Variants in STX5 observed in about 807,000 individuals in gnomAD.
STX5 encodes the protein syntaxin-5.
STX5 carries 15 observed loss-of-function variants against 42.9 expected under a neutral mutation model. That is an observed-to-expected ratio of 0.35 (90% CI 0.23 to 0.54). The LOEUF is 0.54. Ranked by LOEUF, STX5 falls within the 20% of genes least tolerant of loss-of-function variation. The probability of loss-of-function intolerance (pLI) is 0.91; values close to 1 mark genes in which losing one functional copy is unlikely to be tolerated. For synonymous variants in STX5, 184 were observed against 173.2 expected (o/e 1.06, Z -0.49); for missense variants, 430 against 455.0 (o/e 0.95, Z 0.50).
At chr11:62,812,561 G>A (rs1168955199) in intron 10 of STX5, among the ~76,000 whole-genome samples, 1 of 151,920 alleles carries the variant, frequency 6.6e-6, no homozygotes, top group Non-Finnish European at 1.5e-5. Context: ...TGGGACTACA[G>A]GCGCCGGTCA....
chr11:62,829,350 G>A (rs2084830474), intron 2 of STX5, among the ~76,000 whole-genome samples: 1 of 152,006 alleles, frequency 6.6e-6, no homozygotes, highest in South Asian at 2.1e-4. Context: ...CTGGAACCCG[G>A]GAGGCGGAGG....
chr11:62,809,402 T>C (rs1317164582), intron 10 of STX5, among the ~76,000 whole-genome samples: 1 of 150,792 alleles, frequency 6.6e-6, no homozygotes, highest in Non-Finnish European at 1.5e-5. Flanking sequence ...GGGCAGGGCG[T>C]GGTGGCTCAC....
chr11:62,831,035 G>A lies in STX5; in HGVS notation c.209C>T (p.Ser70Leu), dbSNP rs894766427. 3 of 1,552,246 alleles carry A rather than the reference G, an allele frequency of 1.9e-6. No individual in the cohort carries two copies. The highest frequency in any genetic ancestry group is 2.4e-5 in the East Asian group (1 of 41,334). ...RTQEFLSACK[S>L]LQTRQNGIQT... ...GGTCCTTACCTGACGGGTCTGCAGC[G>A]ACTTGCAGGCAGACAGAAACTCCTG... Residue 70 changes from serine (S) to leucine (L), a missense_variant, in exon 2 of 11, where the codon TCG becomes TTG. Physicochemically the swap from Ser to Leu is moderately radical, Grantham distance 145. Transcript: ENST00000294179.
intron 2 of STX5, among the ~76,000 whole-genome samples, chr11:62,829,043 CAA>C (rs2084826507): frequency 6.6e-6 from 1 of 151,004 alleles, no homozygotes; most frequent in Non-Finnish European, 1.5e-5. Context: ...AGCCTGGCAA[CAA>C]AGAGAGACTG....
At chr11:62,822,111 C>T (rs1278776452) in intron 10 of STX5, among the ~76,000 whole-genome samples, 1 of 151,988 alleles carries the variant, frequency 6.6e-6, no homozygotes, top group Non-Finnish European at 1.5e-5. Context: ...ACCTGTAATC[C>T]CGGCACTTTG....
rs147992146 is a variant in STX5, at chr11:62,815,688, CA to C, written c.909-8061del. Reference sequence around the variant, plus strand: ...AGTAGCTGGGACCACAGGCATGCACCACTATGCCCAGCTGATTTTTGTATTT... The same window carrying C: ...AGTAGCTGGGACCACAGGCATGCACCCTATGCCCAGCTGATTTTTGTATTT... On this transcript the variant is annotated intron_variant, in intron 10 of 10. Coordinates refer to ENST00000294179, the MANE Select transcript of STX5 (RefSeq NM_003164.5). Among the ~76,000 whole-genome samples, 765 of 152,118 alleles carry C rather than the reference CA, an allele frequency of 5.0e-3. 37 individuals carry two copies. The East Asian group carries it at 0.12, about 23-fold the overall frequency.
chr11:62,824,959 G>C, intron 8 of STX5, 77 bp downstream of exon 8: 1 of 1,453,976 alleles, frequency 6.9e-7, no homozygotes, highest in Non-Finnish European at 9.6e-7. Context: ...TACCCAACCC[G>C]TGCCTTTAGA....
chr11:62,824,336 C>A, intron 9 of STX5, 49 bp from the exon 10 acceptor site: 1 of 1,613,628 alleles, frequency 6.2e-7, no homozygotes, highest in South Asian at 1.1e-5. Context: ...TCTTCAGGGT[C>A]AGACCTGCAT....
intron 5 of STX5, among the ~76,000 whole-genome samples, chr11:62,826,747 G>A (rs944789035): frequency 6.6e-6 from 1 of 151,752 alleles, no homozygotes. Context: ...GTCATTGGTA[G>A]CGGGTGCCTA....
chr11:62,823,952 G>C (rs2084766076), intron 10 of STX5: 1 of 636,866 alleles, frequency 1.6e-6, no homozygotes, highest in Non-Finnish European at 2.7e-6. Flanking sequence ...TGTTCTACTT[G>C]CCACTGTATC....
intron 2 of STX5, among the ~76,000 whole-genome samples, chr11:62,828,726 A>AAAATAAAT (rs752238315): frequency 4.6e-5 from 5 of 109,766 alleles, no homozygotes; most frequent in Admixed American, 1.1e-4. Flanking sequence ...ACTCCGTCTC[A>AAAATAAAT]AAATAAATAA....
At chr11:62,826,586 TA>T (rs1326678942) in intron 5 of STX5, among the ~76,000 whole-genome samples, 3 of 144,160 alleles carry the variant, frequency 2.1e-5, no homozygotes, top group South Asian at 2.2e-4. Flanking sequence ...AATAAATAAA[TA>T]AAATAAAAGT....
chr11:62,828,272 CCTAG>C (rs1222004727), intron 2 of STX5, among the ~76,000 whole-genome samples: 1 of 151,910 alleles, frequency 6.6e-6, no homozygotes, highest in African/African-American at 2.4e-5. Flanking sequence ...CACCACCACA[CCTAG>C]CTAATTTTTA....
chr11:62,807,237 G>T lies in STX5; in HGVS notation c.*232C>A, dbSNP rs2084561074. 5.7e-6 allele frequency: 3 copies of T among 523,188 alleles called. No individual in the cohort carries two copies. In the South Asian group the frequency reaches 9.3e-5, roughly 16 times the overall value. The allele number at this position is 523,188 out of a possible 1,614,324, so 32.4% of individuals were successfully genotyped here. On this transcript the variant is annotated 3_prime_UTR_variant, in exon 11 of 11. Transcript: ENST00000294179. Reference sequence around the variant, plus strand: ...TCTGCTCCCTTCCAGTCACTTCACAGCAGAGTTCAAATCTAGAACCCTGTG... The same window carrying T: ...TCTGCTCCCTTCCAGTCACTTCACATCAGAGTTCAAATCTAGAACCCTGTG...
At chr11:62,813,594 TTCAC>T (rs1241211782) in intron 10 of STX5, among the ~76,000 whole-genome samples, 2 of 152,148 alleles carry the variant, frequency 1.3e-5, no homozygotes, top group African/African-American at 4.8e-5. Context: ...AATGTAGGTG[TTCAC>T]TCAGTTTCAC....
chr11:62,814,195 C>T (rs749043565), intron 10 of STX5, among the ~76,000 whole-genome samples: 3 of 152,128 alleles, frequency 2.0e-5, no homozygotes, highest in East Asian at 1.9e-4. Context: ...GATGGAGTTT[C>T]GCTCTTGTTG....
At chr11:62,824,106 A>C (rs2084767455) in intron 10 of STX5, 60 bp downstream of exon 10, 1 of 1,611,926 alleles carries the variant, frequency 6.2e-7, no homozygotes, top group Non-Finnish European at 8.5e-7. Context: ...GGGGACTTTA[A>C]GATGCCAATC....
intron 10 of STX5, chr11:62,807,871 G>T: frequency 1.7e-6 from 1 of 602,170 alleles, no homozygotes; most frequent in Non-Finnish European, 2.7e-6. Context: ...TTTCCTCACC[G>T]GCAAAATGAG....
intron 10 of STX5, among the ~76,000 whole-genome samples, chr11:62,812,368 C>A (rs182638809): frequency 6.6e-6 from 1 of 152,196 alleles, no homozygotes; most frequent in South Asian, 2.1e-4. Flanking sequence ...TGAGCCACTG[C>A]GCCTGGCCCT....
Sources: allele counts gnomAD v4.1 joint callset (sites outside exome capture counted in the v4.1 genomes callset), GRCh38; gene constraint gnomAD v4.1.1; transcripts MANE v1.5; gene names NCBI Gene and HGNC (gene_info 2026-07-23, HGNC 2026-07-21).